LRRC66: variants seen among roughly 807,000 people sequenced by gnomAD.
The protein encoded by LRRC66 is leucine-rich repeat-containing protein 66.
Under a neutral mutation model 24.6 loss-of-function variants are expected in LRRC66, and 29 were observed. The observed-to-expected ratio is 1.18, with a 90% CI of 0.88 to 1.61. The LOEUF (loss-of-function observed/expected upper bound fraction) is 1.61. Among genes scored for constraint, LRRC66 ranks in the 40% most tolerant of loss-of-function variants. The probability of loss-of-function intolerance (pLI) is 0.00; values close to 1 mark genes in which losing one functional copy is unlikely to be tolerated. For missense variants in LRRC66, 1,124 were observed against 1,058.0 expected, an observed-to-expected ratio of 1.06 and a Z score of -0.87; for synonymous variants, 411 against 397.6, an observed-to-expected ratio of 1.03 and a Z score of -0.40.
intron 4 of LRRC66, among the ~76,000 whole-genome samples, chr4:51,997,465 A>C (rs1736346423): frequency 6.6e-5 from 10 of 152,238 alleles, no homozygotes; most frequent in Admixed American, 6.5e-4. Context: ...GTGTGTCAGA[A>C]CAAAACTCAC....
chr4:52,013,125 T>C lies in LRRC66; in HGVS notation c.496+3993A>G, dbSNP rs977756757. ...CTTGCCTTCTTAGTTTAGTGTCTTA[T>C]ATACTTTTTGTTTCTTTAGAACCTG... On this transcript the variant is annotated intron_variant, in intron 2 of 4. Transcript: ENST00000682860. Among the ~76,000 whole-genome samples the C allele has an allele frequency of 3.9e-5, 6 of 152,232 alleles. No individual in the cohort carries two copies. The South Asian group carries it at 6.2e-4, about 16-fold the overall frequency.
At chr4:52,009,271 CAA>C (rs1346155280) in intron 2 of LRRC66, among the ~76,000 whole-genome samples, 3 of 152,094 alleles carry the variant, frequency 2.0e-5, no homozygotes, top group African/African-American at 7.2e-5. Flanking sequence ...AATTTATTAT[CAA>C]GTTGCACTAA....
Position 51,994,494 on chromosome 4 carries a change from T to C in LRRC66, c.2528A>G (p.Asp843Gly). The change falls in exon 5 of 5, where the codon GAC becomes GGC. Residue 843 changes from aspartate (D) to glycine (G), a missense_variant. Asp to Gly is a moderately conservative substitution (Grantham distance 94, BLOSUM62 -1). Transcript: ENST00000682860. ...KAAEWHCSLRDLEFSNVDVLQ... is the reference protein window; with the variant it reads ...KAAEWHCSLRGLEFSNVDVLQ... ...AACGTCCACATTTGAAAATTCTAAGTCTCTAAGTGAGCAATGCCATTCTGC... is the reference window on the plus strand; with the variant it reads ...AACGTCCACATTTGAAAATTCTAAGCCTCTAAGTGAGCAATGCCATTCTGC... 1 of 1,614,186 alleles carries C rather than the reference T, an allele frequency of 6.2e-7. No individual in the cohort carries two copies. The highest frequency in any genetic ancestry group is 1.1e-5 in the South Asian group (1 of 91,086).
At position 51,995,426 on chromosome 4, in the gene LRRC66, A is replaced by G. The variant is rs1299088710; in HGVS notation, c.1596T>C (p.Asp532=). ...TTTCATAAGTCCATTCTCCGAGAAT[A>G]TCATTCCTATGGATGTGGTCCTGCG... The part of the protein sequence containing the change: ...SAAQDHIHRN[D]ILGEWTYETV... The change falls in exon 5 of 5, where the codon GAT becomes GAC. Residue 532 remains aspartate (D), a synonymous_variant. Coordinates refer to ENST00000682860, the MANE Select transcript of LRRC66 (RefSeq NM_001024611.3). 2.5e-6 allele frequency: 4 copies of G among 1,614,208 alleles called. No homozygotes were observed. Among genetic ancestry groups the G allele is most frequent in the Non-Finnish European group, 3.4e-6 (4 of 1,180,046 alleles).
chr4:52,014,733 G>T (rs1305456349), intron 2 of LRRC66, among the ~76,000 whole-genome samples: 2 of 152,132 alleles, frequency 1.3e-5, no homozygotes, highest in East Asian at 3.9e-4. Context: ...ATGATTATGG[G>T]AAAATAATTT....
At chr4:52,016,330 A>AT (rs201265936) in intron 2 of LRRC66, among the ~76,000 whole-genome samples, 1,746 of 152,288 alleles carry the variant, frequency 0.011, 36 homozygotes, top group African/African-American at 0.036. Context: ...AACCTTATAC[A>AT]TTTTTTTGAA....
At chr4:51,998,488 A>C (rs1560557505) in intron 3 of LRRC66, among the ~76,000 whole-genome samples, 1 of 152,144 alleles carries the variant, frequency 6.6e-6, no homozygotes, top group Non-Finnish European at 1.5e-5. Flanking sequence ...GGCTCAAGTA[A>C]TCCTCCCCAG....
At position 51,995,711 on chromosome 4, in the gene LRRC66, G is replaced by C; in HGVS notation, c.1311C>G (p.His437Gln). 1 of 1,614,138 alleles carries C rather than the reference G, an allele frequency of 6.2e-7. No homozygotes were observed. The highest frequency in any genetic ancestry group is 8.5e-7 in the Non-Finnish European group (1 of 1,180,032). ...ATACTTGGCGCAGATGGGTCTCTGG[G>C]TGTGGTGTGTGCCCCGCAGCTTCCA... ...DDMEAAGHTP[H>Q]PETHLRQVFP... Residue 437 changes from histidine to glutamine, a missense_variant, in exon 5 of 5, where the codon CAC (histidine) becomes CAG (glutamine). His to Gln is a conservative substitution (Grantham distance 24). Coordinates refer to ENST00000682860, the MANE Select transcript of LRRC66 (RefSeq NM_001024611.3).
rs1197804979 is a variant in LRRC66 at position 51,997,800 on chromosome 4, A to G, written c.804T>C (p.Phe268=). The change falls in exon 4 of 5, where the codon TTT becomes TTC. Residue 268 remains phenylalanine, a synonymous_variant. Transcript: ENST00000682860. The stretch of plus-strand genomic sequence containing the variant: ...ACTTTTTCCTCCAGGATTCAGAAAT[A>G]AAATTTTGAAAGACTGCCACACTAT... The part of the protein sequence containing the change: ...CDDSVAVFQN[F]ISESWRKKWN... 1 of 1,614,144 alleles carries G rather than the reference A, an allele frequency of 6.2e-7. No homozygotes were observed. Among genetic ancestry groups the G allele is most frequent in the Admixed American group, 1.7e-5 (1 of 60,026 alleles).
At chr4:52,014,680 G>A (rs1736773573) in intron 2 of LRRC66, among the ~76,000 whole-genome samples, 1 of 152,140 alleles carries the variant, frequency 6.6e-6, no homozygotes, top group South Asian at 2.1e-4. Context: ...CATAAAATAG[G>A]AAAAATTGTT....
intron 2 of LRRC66, among the ~76,000 whole-genome samples, chr4:52,007,852 C>T (rs1736621374): frequency 6.6e-6 from 1 of 152,146 alleles, no homozygotes. Flanking sequence ...TGGTGGCCTG[C>T]TGATCTGAAT....
In LRRC66 at chr4:51,995,478, G is replaced by A. The variant is rs774769437; in HGVS notation, c.1544C>T (p.Ala515Val). The A allele has an allele frequency of 3.7e-6, 6 of 1,614,004 alleles. No individual in the cohort carries two copies. Among genetic ancestry groups the A allele is most frequent in the South Asian group, 3.3e-5 (3 of 91,076 alleles). The change falls in exon 5 of 5, where the codon GCC becomes GTC. Residue 515 changes from alanine to valine, a missense_variant. Physicochemically the swap from Ala to Val is moderately conservative, Grantham distance 64. Coordinates refer to ENST00000682860, the MANE Select transcript of LRRC66 (RefSeq NM_001024611.3). ...TGCTGACATTAGTTCACGGTTACCG[G>A]CATGTGGATGTCTCTGGAGAATGGA... ...VYSILQRHPH[A>V]GNRELMSAAQ...
intron 2 of LRRC66, among the ~76,000 whole-genome samples, chr4:52,013,986 G>C (rs1433506763): frequency 6.6e-6 from 1 of 152,238 alleles, no homozygotes; most frequent in Non-Finnish European, 1.5e-5. Flanking sequence ...GGGCACGGTG[G>C]CTCACGCCTC....
At chr4:52,013,050 T>G (rs1736734523) in intron 2 of LRRC66, among the ~76,000 whole-genome samples, 1 of 152,224 alleles carries the variant, frequency 6.6e-6, no homozygotes, top group Non-Finnish European at 1.5e-5. Flanking sequence ...GATATTCGAT[T>G]CATTAGGTCA....
chr4:52,010,388 G>C (rs1481802738), intron 2 of LRRC66, among the ~76,000 whole-genome samples: 2 of 152,098 alleles, frequency 1.3e-5, no homozygotes, highest in Non-Finnish European at 2.9e-5. Context: ...ATTGCCTGAT[G>C]CTGAGGGTTT....
chr4:52,009,425 AT>A (rs1258098407), intron 2 of LRRC66, among the ~76,000 whole-genome samples: 1 of 152,146 alleles, frequency 6.6e-6, no homozygotes, highest in Non-Finnish European at 1.5e-5. Flanking sequence ...AAATGTAAAA[AT>A]AATAGAGAAA....
rs531008523 is a variant in LRRC66, at chr4:52,015,949, T to C, written c.496+1169A>G. Among the ~76,000 whole-genome samples, 157 of 152,244 alleles carry C rather than the reference T, an allele frequency of 1.0e-3. 1 individual carries two copies. The highest frequency in any genetic ancestry group is 7.0e-3 in the South Asian group (34 of 4,826). Reference sequence around the variant, plus strand: ...GCATAAATAATAAACTTGAAGAACATATATAACATGAATGACTTTAATTTT... The same window carrying C: ...GCATAAATAATAAACTTGAAGAACACATATAACATGAATGACTTTAATTTT... On this transcript the variant is annotated intron_variant, in intron 2 of 4. Coordinates refer to ENST00000682860, the MANE Select transcript of LRRC66 (RefSeq NM_001024611.3).
At chr4:52,001,589 C>A (rs375475734) in intron 3 of LRRC66, among the ~76,000 whole-genome samples, 79 of 152,350 alleles carry the variant, frequency 5.2e-4, no homozygotes, top group African/African-American at 1.9e-3. Flanking sequence ...TTAATTCTCA[C>A]AAAACTCTGA....
In LRRC66 at chr4:51,995,198, G is replaced by A; in HGVS notation, c.1824C>T (p.Gly608=). 2 of 1,614,174 alleles carry A rather than the reference G, an allele frequency of 1.2e-6. No individual in the cohort carries two copies. Among genetic ancestry groups the A allele is most frequent in the Non-Finnish European group, 1.7e-6 (2 of 1,180,028 alleles). The change falls in exon 5 of 5, where the codon GGC becomes GGT. Residue 608 remains glycine (G), a synonymous_variant. Coordinates refer to ENST00000682860, the MANE Select transcript of LRRC66 (RefSeq NM_001024611.3). ...QRTGDSKERG[G]TEQSLWDSQM... is the part of the protein sequence containing the mutation. ...GCGAGTCCCAAAGTGACTGTTCAGTGCCCCCTCTTTCCTTACTATCTCCAG... is the reference window on the plus strand; with the variant it reads ...GCGAGTCCCAAAGTGACTGTTCAGTACCCCCTCTTTCCTTACTATCTCCAG...
Sources: gnomAD v4.1 joint callset for allele counts (sites outside exome capture counted in the v4.1 genomes callset) on GRCh38, gnomAD v4.1.1 for gene constraint, MANE v1.5 for transcripts, NCBI Gene and HGNC (gene_info 2026-07-23, HGNC 2026-07-21) for gene names.